KANK2: variants seen among roughly 807,000 people sequenced by gnomAD.
The protein encoded by KANK2 is KN motif and ankyrin repeat domain-containing protein 2.
In KANK2, 41 loss-of-function variants were observed where a neutral mutation model predicts 74.6. The ratio of observed to expected loss-of-function variants is 0.55; its 90% confidence interval spans 0.43 to 0.71. KANK2 has a LOEUF of 0.71. Ranked by LOEUF, KANK2 falls within the 30% of genes least tolerant of loss-of-function variation. KANK2 has a pLI of 0.00. For synonymous variants in KANK2, 537 were observed against 519.0 expected (o/e 1.03, Z -0.47); for missense variants, 1,148 against 1,196.4 (o/e 0.96, Z 0.60).
chr19:11,196,157 C>G (rs1449178305), intron 1 of KANK2: 1 of 151,868 alleles, frequency 6.6e-6, no homozygotes, highest in Non-Finnish European at 1.5e-5. Context: ...CTCCCAGGTT[C>G]AAGCGATTCT....
chr19:11,189,518 CG>C (rs557476536), intron 4 of KANK2, among the ~76,000 whole-genome samples: 63 of 133,344 alleles, frequency 4.7e-4, no homozygotes, highest in African/African-American at 1.6e-3. Flanking sequence ...GCAGAAGAAT[CG>C]CTTGAACTCG....
intron 12 of KANK2, 100 bp downstream of exon 12, chr19:11,169,777 G>T (rs556810886): frequency 1.0e-6 from 1 of 1,003,880 alleles, no homozygotes. Flanking sequence ...CTCCACCCTG[G>T]GCGACAGAGT....
Position 11,174,678 on chromosome 19 carries a change from G to A in KANK2, c.1863C>T (p.Thr621=). ...GGCGCAGCCACTCCTGCAGCACTGT[G>A]GTGTAGGCCACTTTCTGCATGCGAG... The part of the protein sequence containing the change: ...LTERELKVAY[T]TVLQEWLRLA... The change falls in exon 9 of 13, where the codon ACC becomes ACT. Residue 621 remains threonine (T), a synonymous_variant. Transcript: ENST00000586659. The A allele has an allele frequency of 6.2e-7, 1 of 1,603,720 alleles. No individual in the cohort carries two copies. Among genetic ancestry groups the A allele is most frequent in the Non-Finnish European group, 8.5e-7 (1 of 1,175,370 alleles).
intron 4 of KANK2, among the ~76,000 whole-genome samples, chr19:11,183,453 A>T (rs2078585957): frequency 6.6e-6 from 1 of 152,194 alleles, no homozygotes; most frequent in African/African-American, 2.4e-5. Flanking sequence ...ATAATGTAGC[A>T]GACTATCAGG....
intron 3 of KANK2, 142 bp downstream of exon 3, chr19:11,194,333 C>T: frequency 1.4e-6 from 1 of 700,018 alleles, no homozygotes; most frequent in Non-Finnish European, 2.4e-6. Context: ...CCTCCCAGGG[C>T]AGGACTCTGC....
rs753933217 is a variant in KANK2, at chr19:11,175,427, CAAAAAAAAAAA to C, written c.1848+464_1848+474del. Among the ~76,000 whole-genome samples, 87 of 14,972 alleles carry C rather than the reference CAAAAAAAAAAA, an allele frequency of 5.8e-3. 1 individual carries two copies. The highest frequency in any genetic ancestry group is 0.014 in the African/African-American group (78 of 5,382). The allele number at this position is 14,972 out of a possible 152,430, so 9.8% of individuals were successfully genotyped here. ...TGGGTGACAGAGCAAGACTCCCTCT[CAAAAAAAAAAA>C]AAAAAAAAAAAAAAAAAAGAATTTT... On this transcript the variant is annotated intron_variant, in intron 8 of 12. Transcript: ENST00000586659.
Position 11,174,586 on chromosome 19 carries a change from G to A in KANK2, c.1955C>T (p.Ser652Phe), listed in dbSNP as rs1395512662. 6.2e-7 allele frequency: 1 copy of A among 1,613,310 alleles called. No homozygotes were observed. The highest frequency in any genetic ancestry group is 1.3e-5 in the African/African-American group (1 of 75,060). ...RRHLVTFRAM[S>F]ARLLDYVVNI... ...GACCACGTAGTCCAGCAGCCGCGCA[G>A]ACATGGCCCGGAACGTGACCAGGTG... The change falls in exon 9 of 13, where the codon TCT becomes TTT. Residue 652 changes from serine to phenylalanine, a missense_variant. Physicochemically the swap from Ser to Phe is radical, Grantham distance 155 (BLOSUM62 -2). Transcript: ENST00000586659.
chr19:11,175,887 A>G lies in KANK2; in HGVS notation c.1848+15T>C. The G allele has an allele frequency of 1.2e-6, 2 of 1,609,970 alleles. No homozygotes were observed. Among genetic ancestry groups the G allele is most frequent in the Non-Finnish European group, 1.7e-6 (2 of 1,177,150 alleles). On this transcript the variant is annotated intron_variant, in intron 8 of 12. Coordinates refer to ENST00000586659, the MANE Select transcript of KANK2 (RefSeq NM_001136191.3). ...TCCGGGGGGTGGCCAACCTAGGCCC[A>G]GGGCCAGATCGTACCAGCTCCCGCT...
Position 11,178,720 on chromosome 19 carries a change from C to G in KANK2, c.1250G>C (p.Gly417Ala), listed in dbSNP as rs1017278098. ...ITERSCDGAA[G>A]LPEVPAESSS... ...CGATTCGGCAGGAACTTCTGGGAGG[C>G]CTGGAGGGACAGGAAATGAGTGTCT... The change falls in exon 5 of 13, where the codon GGC (glycine) becomes GCC (alanine). Residue 417 changes from glycine to alanine, a missense_variant and splice_region_variant. Transcript: ENST00000586659. The G allele has an allele frequency of 6.6e-7, 1 of 1,525,064 alleles. No homozygotes were observed. The highest frequency in any genetic ancestry group is 8.8e-7 in the Non-Finnish European group (1 of 1,141,796). 94.5% of individuals were successfully genotyped at this position (1,525,064 alleles called of 1,614,324 possible).
chr19:11,190,892 G>A lies in KANK2; in HGVS notation c.1249+1939C>T, dbSNP rs528304985. Among the ~76,000 whole-genome samples, 12 of 151,434 alleles carry A rather than the reference G, an allele frequency of 7.9e-5. No individual in the cohort carries two copies. The South Asian group carries it at 1.5e-3, about 18-fold the overall frequency. The stretch of plus-strand genomic sequence containing the variant: ...ATTACAGGTGCCGGCCACCACGCCC[G>A]GCTAATTTTTGTATTTTTAGTAGAG... On this transcript the variant is annotated intron_variant, in intron 4 of 12. Transcript: ENST00000586659.
intron 2 of KANK2, chr19:11,194,866 C>T (rs1247994328): frequency 9.7e-6 from 2 of 207,116 alleles, no homozygotes; most frequent in Admixed American, 4.7e-5. Context: ...CTCCACATAG[C>T]CCTGGGGCTG....
intron 4 of KANK2, among the ~76,000 whole-genome samples, chr19:11,184,640 G>A (rs1053106621): frequency 6.7e-6 from 1 of 148,152 alleles, no homozygotes; most frequent in African/African-American, 2.5e-5. Flanking sequence ...TATCCAATAA[G>A]TTTGAATTTC....
intron 4 of KANK2, among the ~76,000 whole-genome samples, chr19:11,182,837 C>A (rs1388889487): frequency 3.5e-5 from 4 of 115,066 alleles, no homozygotes; most frequent in Non-Finnish European, 7.0e-5. Flanking sequence ...AGTCAGACTG[C>A]CTCAAAAAAA....
intron 10 of KANK2, among the ~76,000 whole-genome samples, chr19:11,172,495 A>G (rs2078206037): frequency 6.6e-6 from 1 of 152,006 alleles, no homozygotes; most frequent in African/African-American, 2.4e-5. Flanking sequence ...CATAAGCCCC[A>G]GTCACCTCCA....
rs2078222235 is a variant in KANK2 at position 11,173,037 on chromosome 19, T to C, written c.2155A>G (p.Ile719Val). 6.2e-7 allele frequency: 1 copy of C among 1,614,134 alleles called. No individual in the cohort carries two copies. The highest frequency in any genetic ancestry group is 2.2e-5 in the East Asian group (1 of 44,882). ...CGGAAGAGCTGAAGGACAGTCTCGA[T>C]GTCGTCCTGGGTCTTCAGGGTGGCC... ...ALATLKTQDDIETVLQLFRLG... is the reference protein window; with the variant it reads ...ALATLKTQDDVETVLQLFRLG... Residue 719 changes from isoleucine to valine, a missense_variant, in exon 10 of 13, where the codon ATC (isoleucine) becomes GTC (valine). Physicochemically the swap from Ile to Val is conservative, Grantham distance 29. Coordinates refer to ENST00000586659, the MANE Select transcript of KANK2 (RefSeq NM_001136191.3).
intron 9 of KANK2, 49 bp downstream of exon 9, chr19:11,174,424 C>G (rs202145350): frequency 6.9e-7 from 1 of 1,456,752 alleles, no homozygotes; most frequent in Non-Finnish European, 9.4e-7. Flanking sequence ...CTGGGCATGG[C>G]GGACAGCTGG....
Position 11,170,468 on chromosome 19 carries a change from G to C in KANK2, c.2212-220C>G. The stretch of plus-strand genomic sequence containing the variant: ...GTGGTTGCCAGAGGCTGGGAGAAGC[G>C]GGGGCGGAGGAAATGATGGATACAG... On this transcript the variant is annotated intron_variant, in intron 10 of 12. Transcript: ENST00000586659. The surrounding 1 kb of genome is among the most constrained non-coding windows in gnomAD (Gnocchi z 5.2). The C allele has an allele frequency of 1.7e-6, 1 of 585,750 alleles. No individual in the cohort carries two copies. Among genetic ancestry groups the C allele is most frequent in the Non-Finnish European group, 3.1e-6 (1 of 327,502 alleles). 36.3% of individuals were successfully genotyped at this position (585,750 alleles called of 1,614,324 possible). A position where few individuals can be genotyped will look rare whatever the true frequency, so the allele number is the denominator to read the frequency against.
chr19:11,177,760 C>G (rs558885293), intron 6 of KANK2, among the ~76,000 whole-genome samples: 1 of 152,128 alleles, frequency 6.6e-6, no homozygotes, highest in African/African-American at 2.4e-5. Context: ...CTTCTAGGCT[C>G]GGCATTCAAG....
rs146639208 is a variant in KANK2, at chr19:11,166,571, G to A, written c.2543C>T (p.Ser848Leu). The A allele has an allele frequency of 1.1e-3, 1,814 of 1,614,168 alleles. 4 individuals are homozygous for A. Among genetic ancestry groups the A allele is most frequent in the Non-Finnish European group, 1.4e-3 (1,677 of 1,179,976 alleles). ...CCTCCCTCACGGCTACTCTTCTGCC[G>A]AGGATGATGTAGGGCTCTCGTCATC... ...MSDDESPTSS[S>L]AEE Residue 848 changes from serine (S) to leucine (L), a missense_variant, in exon 13 of 13, where the codon TCG becomes TTG. Transcript: ENST00000586659.
Sources: allele counts gnomAD v4.1 joint callset (sites outside exome capture counted in the v4.1 genomes callset), GRCh38; gene constraint gnomAD v4.1.1; non-coding constraint Gnocchi (gnomAD v3.1); transcripts MANE v1.5; gene names NCBI Gene and HGNC (gene_info 2026-07-23, HGNC 2026-07-21).